The following IQCK variants were observed in gnomAD, a reference collection of about 807,000 sequenced individuals.
IQCK encodes IQ motif containing K.
A neutral mutation model predicts 28.1 loss-of-function variants in IQCK; 29 were observed. The ratio of observed to expected loss-of-function variants is 1.03; its 90% confidence interval spans 0.77 to 1.41. The LOEUF (loss-of-function observed/expected upper bound fraction) is 1.41. Ranked by LOEUF, IQCK falls within the 40% of genes most tolerant of loss-of-function variation. The probability of loss-of-function intolerance (pLI) is 0.00; values close to 1 mark genes in which losing one functional copy is unlikely to be tolerated. For synonymous variants in IQCK, 113 were observed against 115.1 expected, an observed-to-expected ratio of 0.98 and a Z score of 0.12; for missense variants, 359 against 314.7, an observed-to-expected ratio of 1.14 and a Z score of -1.07.
intron 4 of IQCK, among the ~76,000 whole-genome samples, chr16:19,738,208 G>A (rs1426530797): frequency 6.6e-6 from 1 of 152,176 alleles, no homozygotes; most frequent in East Asian, 1.9e-4. Flanking sequence ...TATTAAATAA[G>A]TGAATGCATG....
chr16:19,803,134 TTTTG>T (rs570910646), intron 7 of IQCK, among the ~76,000 whole-genome samples: 15 of 151,940 alleles, frequency 9.9e-5, no homozygotes, highest in South Asian at 6.2e-4. Flanking sequence ...TTTTGTTTTG[TTTTG>T]TTTGTTTGTT....
At chr16:19,727,464 G>A (rs995520878) in intron 1 of IQCK, among the ~76,000 whole-genome samples, 1 of 151,960 alleles carries the variant, frequency 6.6e-6, no homozygotes, top group Non-Finnish European at 1.5e-5. Flanking sequence ...GCATGTGCCT[G>A]TAGTCCCAGC....
At chr16:19,729,201 G>C (rs999036692) in intron 1 of IQCK, among the ~76,000 whole-genome samples, 3 of 152,100 alleles carry the variant, frequency 2.0e-5, no homozygotes, top group African/African-American at 7.2e-5. Flanking sequence ...TCTGCCTCCA[G>C]GGTTCAAGTG....
chr16:19,856,494 C>T, exon 10 of IQCK: 1 of 1,613,332 alleles, frequency 6.2e-7, no homozygotes, highest in South Asian at 1.1e-5. Flanking sequence ...CAGTGAAATG[C>T]AAAATGGAGG....
intron 3 of IQCK, among the ~76,000 whole-genome samples, chr16:19,734,664 T>G (rs113591561): frequency 6.7e-6 from 1 of 148,550 alleles, no homozygotes; most frequent in African/African-American, 2.5e-5. Flanking sequence ...ACTTGCAGTC[T>G]CAGCTATTTG....
chr16:19,803,785 T>A (rs2055792121), intron 7 of IQCK, among the ~76,000 whole-genome samples: 1 of 152,056 alleles, frequency 6.6e-6, no homozygotes, highest in East Asian at 1.9e-4. Context: ...CCCAAGTAGA[T>A]AGGGCTACAG....
In IQCK at chr16:19,773,766, C is replaced by T. The variant is rs184554118; in HGVS notation, c.605+9654C>T. On this transcript the variant is annotated intron_variant, in intron 6 of 7. Transcript: ENST00000564186. ...GTTTCAGGTGGACACCAATAGCCTT[C>T]CCAAACCATGGTCTCATGTAAAAGC... 3.5e-3 allele frequency among the ~76,000 whole-genome samples: 532 copies of T among 152,278 alleles called. 1 individual carries two copies. Among genetic ancestry groups the T allele is most frequent in the Non-Finnish European group, 4.0e-3 (271 of 68,028 alleles).
intron 6 of IQCK, among the ~76,000 whole-genome samples, chr16:19,767,189 A>T (rs1004779964): frequency 2.6e-5 from 4 of 152,174 alleles, no homozygotes; most frequent in African/African-American, 9.7e-5. Flanking sequence ...TTACAGCTGA[A>T]GCCCCAGTGG....
chr16:19,843,226 A>G (rs1429863742), intron 9 of IQCK, among the ~76,000 whole-genome samples: 1 of 152,182 alleles, frequency 6.6e-6, no homozygotes, highest in African/African-American at 2.4e-5. Context: ...ATATCATGCA[A>G]TTCAAAGTGT....
At chr16:19,740,181 A>G (rs1597508142) in intron 4 of IQCK, among the ~76,000 whole-genome samples, 1 of 152,276 alleles carries the variant, frequency 6.6e-6, no homozygotes, top group East Asian at 1.9e-4. Context: ...TCAGTTATCA[A>G]ATTTAAACGG....
chr16:19,746,422 G>A (rs1238379028), intron 4 of IQCK, among the ~76,000 whole-genome samples: 2 of 152,040 alleles, frequency 1.3e-5, no homozygotes, highest in African/African-American at 4.8e-5. Context: ...TCAAATAGTA[G>A]GTCTTAGTTG....
intron 6 of IQCK, among the ~76,000 whole-genome samples, chr16:19,781,845 T>G (rs2055489182): frequency 6.6e-6 from 1 of 151,642 alleles, no homozygotes; most frequent in Admixed American, 6.6e-5. Flanking sequence ...AAAAATTAGC[T>G]GGGTGTGGTG....
At chr16:19,752,612 A>G (rs2055001470) in intron 4 of IQCK, among the ~76,000 whole-genome samples, 1 of 152,148 alleles carries the variant, frequency 6.6e-6, no homozygotes, top group Non-Finnish European at 1.5e-5. Flanking sequence ...TCTGCTGCCC[A>G]GGCTGGAGTC....
chr16:19,742,255 A>G (rs1338040176), intron 4 of IQCK, among the ~76,000 whole-genome samples: 2 of 152,250 alleles, frequency 1.3e-5, no homozygotes, highest in African/African-American at 4.8e-5. Flanking sequence ...CAGGAAGTTC[A>G]GTATTTTGAA....
chr16:19,743,252 A>G (rs2054862333), intron 4 of IQCK, among the ~76,000 whole-genome samples: 1 of 152,184 alleles, frequency 6.6e-6, no homozygotes, highest in Non-Finnish European at 1.5e-5. Flanking sequence ...GAGGTCTGTG[A>G]CCTTTATTCA....
intron 9 of IQCK, among the ~76,000 whole-genome samples, chr16:19,841,492 C>A (rs7191421): frequency 0.32 from 48,904 of 152,012 alleles, 8,410 homozygotes; most frequent in East Asian, 0.53. Flanking sequence ...CCCTGGCTGG[C>A]AACTTCCTAG....
chr16:19,854,036 G>A (rs540032294), intron 9 of IQCK, among the ~76,000 whole-genome samples: 6 of 152,216 alleles, frequency 3.9e-5, no homozygotes, highest in East Asian at 1.9e-4. Flanking sequence ...CTACAGTCAC[G>A]TTTCTTTAAA....
intron 6 of IQCK, among the ~76,000 whole-genome samples, chr16:19,779,388 C>T (rs544872331): frequency 3.5e-4 from 53 of 152,250 alleles, no homozygotes; most frequent in Non-Finnish European, 5.0e-4. Flanking sequence ...CAGGCCTGAG[C>T]AACTGGCTGA....
intron 9 of IQCK, among the ~76,000 whole-genome samples, chr16:19,842,885 CACAG>C (rs150151799): frequency 2.6e-5 from 4 of 152,232 alleles, no homozygotes; most frequent in East Asian, 3.9e-4. Flanking sequence ...TTGCTTATAA[CACAG>C]ACAGCTTGTG....
Sources: gnomAD v4.1 joint callset for allele counts (sites outside exome capture counted in the v4.1 genomes callset) on GRCh38, gnomAD v4.1.1 for gene constraint, MANE v1.5 for transcripts, NCBI Gene and HGNC (gene_info 2026-07-23, HGNC 2026-07-21) for gene names.